Variants in DCC observed in about 807,000 individuals in gnomAD.
DCC encodes the protein netrin receptor DCC.
In DCC, 58 loss-of-function variants were observed where a neutral mutation model predicts 172.5. That is an observed-to-expected ratio of 0.34 (90% CI 0.27 to 0.42). The LOEUF (loss-of-function observed/expected upper bound fraction) is 0.42. DCC is among the 10% of genes least tolerant of loss of function. The pLI is 1.00. For missense variants in DCC, 1,740 were observed against 1,791.0 expected, an observed-to-expected ratio of 0.97 and a Z score of 0.51; for synonymous variants, 709 against 644.5, an observed-to-expected ratio of 1.10 and a Z score of -1.52.
At chr18:52,483,269 G>T (rs1311084990) in intron 1 of DCC, among the ~76,000 whole-genome samples, 2 of 152,010 alleles carry the variant, frequency 1.3e-5, no homozygotes, top group African/African-American at 4.8e-5. Flanking sequence ...AAATAAGATC[G>T]CTTTCACAGG....
At chr18:53,264,013 G>T (rs1049622477) in intron 12 of DCC, among the ~76,000 whole-genome samples, 3 of 152,084 alleles carry the variant, frequency 2.0e-5, no homozygotes, top group African/African-American at 4.8e-5. Flanking sequence ...TCAAAGAAGG[G>T]TTAAATATAT....
At chr18:52,926,662 T>G (rs2040206728) in intron 5 of DCC, among the ~76,000 whole-genome samples, 1 of 151,486 alleles carries the variant, frequency 6.6e-6, no homozygotes, top group Non-Finnish European at 1.5e-5. Flanking sequence ...AAAGCATTAC[T>G]TGCATGAGGT....
chr18:52,959,841 A>T (rs2040813207), intron 5 of DCC, among the ~76,000 whole-genome samples: 1 of 152,154 alleles, frequency 6.6e-6, no homozygotes, highest in Admixed American at 6.5e-5. Flanking sequence ...GGATACTAGT[A>T]TGTTTTCAGA....
chr18:52,511,747 T>C (rs1468179116), intron 1 of DCC, among the ~76,000 whole-genome samples: 1 of 152,210 alleles, frequency 6.6e-6, no homozygotes. Flanking sequence ...CACATACAAA[T>C]AGACTGAAGC....
intron 1 of DCC, among the ~76,000 whole-genome samples, chr18:52,503,913 C>T (rs2031125369): frequency 6.6e-6 from 1 of 152,140 alleles, no homozygotes; most frequent in African/African-American, 2.4e-5. Flanking sequence ...CTACTGCACC[C>T]TTCTCTGCCA....
chr18:52,619,397 G>A (rs1214654541), intron 1 of DCC, among the ~76,000 whole-genome samples: 1 of 152,112 alleles, frequency 6.6e-6, no homozygotes, highest in Non-Finnish European at 1.5e-5. Context: ...CTTGAACATG[G>A]CCAATGTCAG....
chr18:52,707,558 G>A (rs1288049303), intron 1 of DCC, among the ~76,000 whole-genome samples: 1 of 152,182 alleles, frequency 6.6e-6, no homozygotes, highest in Non-Finnish European at 1.5e-5. Context: ...AGAGGTATCT[G>A]CAGTTCCATG....
In DCC at chr18:52,927,079, GTA is replaced by G. The variant is rs1555682800; in HGVS notation, c.985+1714_985+1715del. ...TACACATATATACACACATATATGT[GTA>G]TATACACGTATATACGTGTATATAC... On this transcript the variant is annotated intron_variant, in intron 5 of 28. Transcript: ENST00000442544. 7.4e-3 allele frequency among the ~76,000 whole-genome samples: 795 copies of G among 108,162 alleles called. 149 individuals are homozygous for G. Among genetic ancestry groups the G allele is most frequent in the African/African-American group, 0.027 (744 of 27,852 alleles). The allele number at this position is 108,162 out of a possible 152,430, so 71.0% of individuals were successfully genotyped here. A position where few individuals can be genotyped will look rare whatever the true frequency, so the allele number is the denominator to read the frequency against.
intron 1 of DCC, among the ~76,000 whole-genome samples, chr18:52,496,032 A>G (rs920237822): frequency 6.6e-5 from 10 of 152,078 alleles, no homozygotes; most frequent in Non-Finnish European, 7.4e-5. Flanking sequence ...TGCCTTACAT[A>G]TATTATCTAA....
At chr18:52,768,906 G>A (rs1365056719) in intron 2 of DCC, among the ~76,000 whole-genome samples, 1 of 152,144 alleles carries the variant, frequency 6.6e-6, no homozygotes, top group Non-Finnish European at 1.5e-5. Context: ...CAACAGAAGA[G>A]AAAAATATCT....
intron 1 of DCC, among the ~76,000 whole-genome samples, chr18:52,697,717 TAAG>T (rs1325314783): frequency 3.9e-5 from 6 of 152,232 alleles, no homozygotes; most frequent in African/African-American, 4.8e-5. Flanking sequence ...AGTGCATTGT[TAAG>T]TAGAGAAATT....
At chr18:53,511,914 T>C (rs1598829946) in intron 27 of DCC, among the ~76,000 whole-genome samples, 1 of 152,320 alleles carries the variant, frequency 6.6e-6, no homozygotes, top group East Asian at 1.9e-4. Flanking sequence ...TGCCCAGGCT[T>C]GCTTAGGTAA....
chr18:53,122,569 T>A (rs1041753117), intron 7 of DCC, among the ~76,000 whole-genome samples: 3 of 151,994 alleles, frequency 2.0e-5, no homozygotes, highest in Non-Finnish European at 4.4e-5. Flanking sequence ...CTAGAAAAAC[T>A]TTATCTTGGA....
intron 2 of DCC, among the ~76,000 whole-genome samples, chr18:52,869,065 T>C (rs1018971387): frequency 1.3e-5 from 2 of 152,226 alleles, no homozygotes; most frequent in African/African-American, 4.8e-5. Context: ...AGGTCTGGGA[T>C]CCCCAAAGGG....
chr18:52,906,463 C>CT, intron 3 of DCC, 135 bp downstream of exon 3: 1 of 955,910 alleles, frequency 1.0e-6, no homozygotes, highest in Non-Finnish European at 1.6e-6. Context: ...TTATTTCTTT[C>CT]TTCCTTGCCG....
intron 25 of DCC, among the ~76,000 whole-genome samples, chr18:53,468,805 C>T (rs1337887814): frequency 5.3e-5 from 8 of 152,184 alleles, no homozygotes; most frequent in Non-Finnish European, 1.0e-4. Context: ...AGTTTTCTGT[C>T]ATCCTCCCAC....
chr18:52,489,168 G>C (rs948743194), intron 1 of DCC, among the ~76,000 whole-genome samples: 1 of 152,036 alleles, frequency 6.6e-6, no homozygotes, highest in African/African-American at 2.4e-5. Context: ...GTTTGAGGTA[G>C]GAAGAGAACC....
chr18:53,421,827 G>A (rs150939522), intron 21 of DCC, among the ~76,000 whole-genome samples: 498 of 152,240 alleles, frequency 3.3e-3, no homozygotes, highest in African/African-American at 0.011. Context: ...AAAAACTCAG[G>A]CATAACATCT....
chr18:52,987,147 A>T (rs2041309714), intron 5 of DCC, among the ~76,000 whole-genome samples: 1 of 152,152 alleles, frequency 6.6e-6, no homozygotes, highest in African/African-American at 2.4e-5. Context: ...TAAGATTAAA[A>T]ACAAAACCCA....
Sources: gnomAD v4.1 joint callset for allele counts (sites outside exome capture counted in the v4.1 genomes callset) on GRCh38, gnomAD v4.1.1 for gene constraint, MANE v1.5 for transcripts, NCBI Gene and HGNC (gene_info 2026-07-23, HGNC 2026-07-21) for gene names.